The following MYO9A variants were observed in gnomAD, a reference collection of about 807,000 sequenced individuals.
MYO9A encodes the protein unconventional myosin-IXa.
MYO9A carries 103 observed loss-of-function variants against 293.3 expected under a neutral mutation model. The ratio of observed to expected loss-of-function variants is 0.35; its 90% confidence interval spans 0.30 to 0.41. The LOEUF (loss-of-function observed/expected upper bound fraction) is 0.41, where lower values mean the gene tolerates loss of function less well. Ranked by LOEUF, MYO9A falls within the 10% of genes least tolerant of loss-of-function variation. MYO9A has a pLI of 1.00. For missense variants in MYO9A, 2,685 were observed against 3,033.0 expected (o/e 0.89, Z 2.69); for synonymous variants, 1,001 against 1,035.7 (o/e 0.97, Z 0.64).
intron 25 of MYO9A, among the ~76,000 whole-genome samples, chr15:71,895,793 AATAAG>A (rs1350017896): frequency 6.6e-5 from 10 of 152,112 alleles, no homozygotes; most frequent in Admixed American, 6.5e-4. Context: ...ATCTTGGAAA[AATAAG>A]ATAAATATTT....
At chr15:72,077,748 AAAAAATAT>A (rs1245090835) in intron 1 of MYO9A, among the ~76,000 whole-genome samples, 696 of 32,630 alleles carry the variant, frequency 0.021, 1 homozygote, top group South Asian at 0.034. Context: ...AAAAAAAAAA[AAAAAATAT>A]ATATATATAT....
Position 72,117,703 on chromosome 15 carries a change from C to T in MYO9A, c.-95G>A. On this transcript the variant is annotated 5_prime_UTR_variant, in exon 1 of 42. The change creates a new upstream start codon in the 5' untranslated region. Coordinates refer to ENST00000356056, the MANE Select transcript of MYO9A (RefSeq NM_006901.4). ...ACCTCGGGCTCCGCCGCGGTGGCCA[C>T]CGCAGCCCCCTCCTCTTCGACGGAA... The T allele has an allele frequency of 2.5e-6, 1 of 397,048 alleles. No homozygotes were observed. The highest frequency in any genetic ancestry group is 4.4e-6 in the Non-Finnish European group (1 of 225,208). 24.6% of individuals were successfully genotyped at this position (397,048 alleles called of 1,614,324 possible). A position where few individuals can be genotyped will look rare whatever the true frequency, so the allele number is the denominator to read the frequency against.
chr15:71,999,842 C>A lies in MYO9A; in HGVS notation c.1470+9G>T. Reference sequence around the variant, plus strand: ...AGAATGCTTTCATTTCAAAGAAAATCCATCATACCTCTGCCAACTTGTATG... The same window carrying A: ...AGAATGCTTTCATTTCAAAGAAAATACATCATACCTCTGCCAACTTGTATG... On this transcript the variant is annotated intron_variant, in intron 9 of 41. Transcript: ENST00000356056. The A allele has an allele frequency of 6.2e-7, 1 of 1,606,410 alleles. No homozygotes were observed. Among genetic ancestry groups the A allele is most frequent in the East Asian group, 2.2e-5 (1 of 44,550 alleles).
chr15:71,976,444 C>T (rs1262234559), intron 12 of MYO9A, among the ~76,000 whole-genome samples: 1 of 152,170 alleles, frequency 6.6e-6, no homozygotes, highest in Non-Finnish European at 1.5e-5. Flanking sequence ...CTCAGGTCCT[C>T]CATTTCCTAC....
intron 39 of MYO9A, among the ~76,000 whole-genome samples, chr15:71,847,073 T>C (rs1034094141): frequency 6.6e-6 from 1 of 152,240 alleles, no homozygotes; most frequent in African/African-American, 2.4e-5. Flanking sequence ...ACACAGCTCA[T>C]AGAGCAGAAA....
rs149823962 is a variant in MYO9A, at chr15:71,885,518, A to G, written c.5256-1782T>C. The stretch of plus-strand genomic sequence containing the variant: ...TATCAGTTTCATCTTGTTGAAAAAA[A>G]TCTCTCCCAGAGCCTTCTAACTTGC... On this transcript the variant is annotated intron_variant, in intron 27 of 41. Transcript: ENST00000356056. 2.6e-5 allele frequency among the ~76,000 whole-genome samples: 4 copies of G among 152,206 alleles called. No homozygotes were observed. The East Asian group carries it at 7.7e-4, about 29-fold the overall frequency.
intron 37 of MYO9A, among the ~76,000 whole-genome samples, chr15:71,850,701 G>C (rs1370556448): frequency 6.9e-6 from 1 of 145,124 alleles, no homozygotes; most frequent in Non-Finnish European, 1.5e-5. Flanking sequence ...GGGAGGCGGA[G>C]GTTGCAGTGA....
chr15:71,989,904 C>T (rs1207563607), intron 11 of MYO9A, among the ~76,000 whole-genome samples: 2 of 151,894 alleles, frequency 1.3e-5, no homozygotes, highest in African/African-American at 2.4e-5. Flanking sequence ...GTGACGTGCA[C>T]CTGTGGTCCC....
intron 26 of MYO9A, chr15:71,893,170 C>T (rs1489420794): frequency 7.8e-7 from 1 of 1,276,734 alleles, no homozygotes; most frequent in Non-Finnish European, 1.0e-6. Flanking sequence ...ATGGGCCGGT[C>T]TGGCAACCTG....
At chr15:72,075,633 A>G (rs1180253101) in intron 1 of MYO9A, among the ~76,000 whole-genome samples, 1 of 151,996 alleles carries the variant, frequency 6.6e-6, no homozygotes, top group Non-Finnish European at 1.5e-5. Context: ...ATCCAAATTA[A>G]AACGAAGAAA....
intron 12 of MYO9A, among the ~76,000 whole-genome samples, chr15:71,968,374 G>A (rs1171833177): frequency 2.0e-5 from 3 of 152,112 alleles, no homozygotes; most frequent in Non-Finnish European, 4.4e-5. Flanking sequence ...TTTGCAAGTA[G>A]TAGTACCAAG....
Position 72,046,054 on chromosome 15 carries a change from A to C in MYO9A, c.510T>G (p.Phe170Leu). ...KTLLENLRNR[F>L]KHEKIYTYVG... ...CATAGGTATAAATTTTTTCATGCTTAAAGCGATTTCGTAGGTTTTCTAAGA... is the reference window on the plus strand; with the variant it reads ...CATAGGTATAAATTTTTTCATGCTTCAAGCGATTTCGTAGGTTTTCTAAGA... Residue 170 changes from phenylalanine to leucine, a missense_variant, in exon 2 of 42, where the codon TTT becomes TTG. Physicochemically the swap from Phe to Leu is conservative, Grantham distance 22. This residue lies in a region of MYO9A where 289 missense variants were observed against 456.8 expected (regional missense o/e 0.63). Coordinates refer to ENST00000356056, the MANE Select transcript of MYO9A (RefSeq NM_006901.4). 6.2e-7 allele frequency: 1 copy of C among 1,613,544 alleles called. No individual in the cohort carries two copies. Among genetic ancestry groups the C allele is most frequent in the Non-Finnish European group, 8.5e-7 (1 of 1,179,824 alleles).
In MYO9A at chr15:72,095,914, T is replaced by C. The variant is rs149809356; in HGVS notation, c.-72+21766A>G. 4.8e-3 allele frequency among the ~76,000 whole-genome samples: 731 copies of C among 152,056 alleles called. 3 individuals are homozygous for C. Among genetic ancestry groups the C allele is most frequent in the Admixed American group, 6.6e-3 (101 of 15,262 alleles). Reference sequence around the variant, plus strand: ...GGCCAACATGGTGAAACCTCGTCTTTATAAAAAATACAAAAATTAAGGTGG... The same window carrying C: ...GGCCAACATGGTGAAACCTCGTCTTCATAAAAAATACAAAAATTAAGGTGG... On this transcript the variant is annotated intron_variant, in intron 1 of 41. Transcript: ENST00000356056.
At chr15:71,979,558 C>G (rs1567341948) in intron 11 of MYO9A, among the ~76,000 whole-genome samples, 1 of 152,060 alleles carries the variant, frequency 6.6e-6, no homozygotes, top group Admixed American at 6.6e-5. Context: ...TTTCTTTTTT[C>G]ATTCAGCTAA....
At chr15:72,075,975 G>A (rs1224497885) in intron 1 of MYO9A, among the ~76,000 whole-genome samples, 1 of 152,048 alleles carries the variant, frequency 6.6e-6, no homozygotes, top group Non-Finnish European at 1.5e-5. Flanking sequence ...GCAATAAAAA[G>A]AACTGAAGGC....
chr15:72,110,339 G>A (rs1027065415), intron 1 of MYO9A, among the ~76,000 whole-genome samples: 28 of 151,174 alleles, frequency 1.9e-4, no homozygotes, highest in African/African-American at 6.8e-4. Flanking sequence ...GGGAGGCTGA[G>A]GCAGGAGAAT....
chr15:72,008,815 A>AT (rs2077093098), intron 7 of MYO9A, among the ~76,000 whole-genome samples: 1 of 152,168 alleles, frequency 6.6e-6, no homozygotes. Context: ...TTATATATAT[A>AT]CAGCTTTGTG....
At chr15:72,053,129 G>A (rs2078617411) in intron 1 of MYO9A, among the ~76,000 whole-genome samples, 1 of 152,178 alleles carries the variant, frequency 6.6e-6, no homozygotes, top group South Asian at 2.1e-4. Flanking sequence ...GCTGGGCCTG[G>A]TGGCTCACGC....
In MYO9A at chr15:71,903,911, T is replaced by A; in HGVS notation, c.2877+18A>T. 1 of 1,595,462 alleles carries A rather than the reference T, an allele frequency of 6.3e-7. No individual in the cohort carries two copies. The highest frequency in any genetic ancestry group is 8.6e-7 in the Non-Finnish European group (1 of 1,164,386). On this transcript the variant is annotated intron_variant, in intron 21 of 41. Coordinates refer to ENST00000356056, the MANE Select transcript of MYO9A (RefSeq NM_006901.4). ...CTTGATGTGTCTAAATATGTAAATA[T>A]CACTATAAAAACAGAACCTGGAAAG...
Sources: allele counts gnomAD v4.1 joint callset (sites outside exome capture counted in the v4.1 genomes callset), GRCh38; gene constraint gnomAD v4.1.1; regional missense constraint gnomAD v4.1.1; transcripts MANE v1.5; gene names NCBI Gene and HGNC (gene_info 2026-07-23, HGNC 2026-07-21).